The following SCO1 variants were observed in gnomAD, a reference collection of about 807,000 sequenced individuals.
SCO1 encodes synthesis of cytochrome C oxidase 1.
A neutral mutation model predicts 34.0 loss-of-function variants in SCO1; 23 were observed. That is an observed-to-expected ratio of 0.68 (90% CI 0.49 to 0.96). The LOEUF (loss-of-function observed/expected upper bound fraction) is 0.96. Among genes scored for constraint, SCO1 ranks in the 40% least tolerant of loss-of-function variants. SCO1 has a pLI of 0.00. For synonymous variants in SCO1, 161 were observed against 145.5 expected, an observed-to-expected ratio of 1.11 and a Z score of -0.77; for missense variants, 404 against 381.6, an observed-to-expected ratio of 1.06 and a Z score of -0.49.
At position 10,693,063 on chromosome 17, in the gene SCO1, G is replaced by A. The variant is rs9897641; in HGVS notation, c.365-102C>T. On this transcript the variant is annotated intron_variant, in intron 2 of 5. Transcript: ENST00000255390. ...CCCGTACTATGCTACTCATGGTGGG[G>A]GCACAAAATGTGGAAAAAACAGTTT... 107,685 of 929,464 alleles carry A rather than the reference G, an allele frequency of 0.12. 7,593 individuals carry two copies. Among genetic ancestry groups the A allele is most frequent in the Non-Finnish European group, 0.14 (83,319 of 599,270 alleles). The allele number at this position is 929,464 out of a possible 1,614,324, so 57.6% of individuals were successfully genotyped here. A position where few individuals can be genotyped will look rare whatever the true frequency, so the allele number is the denominator to read the frequency against.
At chr17:10,695,492 A>G in intron 2 of SCO1, 1 of 443,752 alleles carries the variant, frequency 2.3e-6, no homozygotes, top group South Asian at 2.2e-5. Flanking sequence ...TGAAATCCAA[A>G]TACAATCTGT....
chr17:10,684,576 T>C (rs2074643317), intron 5 of SCO1, among the ~76,000 whole-genome samples: 1 of 152,212 alleles, frequency 6.6e-6, no homozygotes, highest in South Asian at 2.1e-4. Flanking sequence ...GCTGTTTGGG[T>C]TTATTTGTAC....
chr17:10,684,785 T>G (rs2074644855), intron 5 of SCO1, among the ~76,000 whole-genome samples: 1 of 152,232 alleles, frequency 6.6e-6, no homozygotes. Context: ...CAACTCTCTA[T>G]AAAGACAGAA....
chr17:10,688,468 G>T (rs1412653990), intron 4 of SCO1, among the ~76,000 whole-genome samples: 1 of 152,152 alleles, frequency 6.6e-6, no homozygotes, highest in African/African-American at 2.4e-5. Context: ...CTACTAGAGT[G>T]GCTAAAATTA....
In SCO1 at chr17:10,686,769, C is replaced by T. The variant is rs746175649; in HGVS notation, c.729G>A (p.Val243=). 7 of 1,613,790 alleles carry T rather than the reference C, an allele frequency of 4.3e-6. No individual in the cohort carries two copies. The highest frequency in any genetic ancestry group is 2.2e-5 in the East Asian group (1 of 44,884). ...EVDQVARAYR[V]YYSPGPKDED... is the part of the protein sequence containing the mutation. ...CGTCCTTGGGGCCAGGGCTGTAATA[C>T]ACTCTGTATGCTCTGGCCACTTGAT... The change falls in exon 5 of 6, where the codon GTG becomes GTA. Residue 243 remains valine, a synonymous_variant. Transcript: ENST00000255390.
chr17:10,697,350 C>A lies in SCO1; in HGVS notation c.158G>T (p.Arg53Leu). 1 of 1,583,154 alleles carries A rather than the reference C, an allele frequency of 6.3e-7. No individual in the cohort carries two copies. Among genetic ancestry groups the A allele is most frequent in the Non-Finnish European group, 8.6e-7 (1 of 1,165,070 alleles). Residue 53 changes from arginine (R) to leucine (L), a missense_variant, in exon 1 of 6, where the codon CGT becomes CTT. Physicochemically the swap from Arg to Leu is moderately radical, Grantham distance 102. Coordinates refer to ENST00000255390, the MANE Select transcript of SCO1 (RefSeq NM_004589.4). Reference protein sequence around the residue: ...QFCARQAEAWRASGRPGYCLG... With the variant: ...QFCARQAEAWLASGRPGYCLG... ...GCAATAGCCAGGGCGCCCCGAGGCA[C>A]GCCACGCCTCCGCTTGCCGCGCGCA...
intron 4 of SCO1, among the ~76,000 whole-genome samples, 194 bp from the exon 5 acceptor site, chr17:10,687,036 T>C (rs1472968741): frequency 2.0e-5 from 3 of 152,232 alleles, no homozygotes; most frequent in Admixed American, 6.5e-5. Context: ...CTTTGTAATA[T>C]ATAAGTCAAA....
At chr17:10,692,064 T>A (rs2074693729) in intron 3 of SCO1, 100 bp from the exon 4 acceptor site, 1 of 841,864 alleles carries the variant, frequency 1.2e-6, no homozygotes, top group Admixed American at 1.8e-5. Context: ...GACAGCTAGG[T>A]GTTTTGAAAG....
rs2074659915 is a variant in SCO1, at chr17:10,686,855, TGA to T, written c.656-15_656-14del. On this transcript the variant is annotated splice_polypyrimidine_tract_variant and intron_variant, in intron 4 of 5. Coordinates refer to ENST00000255390, the MANE Select transcript of SCO1 (RefSeq NM_004589.4). Reference sequence around the variant, plus strand: ...TTGGGAGAAAATTCTAAATAAAAAATGAGAGAGACAGTGAAAAATGAGAAGCC... The same window carrying T: ...TTGGGAGAAAATTCTAAATAAAAAATGAGAGACAGTGAAAAATGAGAAGCC... The T allele has an allele frequency of 6.5e-7, 1 of 1,545,240 alleles. No individual in the cohort carries two copies. Among genetic ancestry groups the T allele is most frequent in the African/African-American group, 1.4e-5 (1 of 73,578 alleles).
Position 10,695,798 on chromosome 17 carries a change from C to T in SCO1, c.307G>A (p.Ala103Thr), listed in dbSNP as rs927138274. 1.2e-6 allele frequency: 2 copies of T among 1,613,698 alleles called. No individual in the cohort carries two copies. The highest frequency in any genetic ancestry group is 1.7e-6 in the Non-Finnish European group (2 of 1,179,884). The part of the protein sequence containing the change: ...VSWKSLAITF[A>T]IGGALLAGMK... ...CCAGCCAGTAAAGCTCCTCCAATAG[C>T]AAATGTGATTGCTAAAGACTTCCAG... Residue 103 changes from alanine to threonine, a missense_variant, in exon 2 of 6, where the codon GCT becomes ACT. Ala to Thr is a moderately conservative substitution (Grantham distance 58). Transcript: ENST00000255390.
At chr17:10,691,808 A>G (rs2074691239) in intron 4 of SCO1, 64 bp downstream of exon 4, 1 of 1,029,884 alleles carries the variant, frequency 9.7e-7, no homozygotes, top group South Asian at 1.3e-5. Context: ...TGTAAGGTTC[A>G]AATGAACTGA....
intron 3 of SCO1, 133 bp downstream of exon 3, chr17:10,692,631 C>T: frequency 1.3e-6 from 1 of 758,686 alleles, no homozygotes; most frequent in South Asian, 1.6e-5. Context: ...AACAAACAAG[C>T]CAAATGCTGA....
At chr17:10,687,044 A>C (rs1415946790) in intron 4 of SCO1, among the ~76,000 whole-genome samples, 1 of 152,210 alleles carries the variant, frequency 6.6e-6, no homozygotes, top group African/African-American at 2.4e-5. Context: ...TATATAAGTC[A>C]AATCTTTTTA....
At position 10,674,415 on chromosome 17, in the gene SCO1, A is replaced by C. The variant is rs2074567635; in HGVS notation, c.*6704T>G. 1 of 285,586 alleles carries C rather than the reference A, an allele frequency of 3.5e-6. No homozygotes were observed. The highest frequency in any genetic ancestry group is 1.4e-4 in the East Asian group (1 of 7,298). 17.7% of individuals were successfully genotyped at this position (285,586 alleles called of 1,614,324 possible). On this transcript the variant is annotated 3_prime_UTR_variant, in exon 6 of 6. Transcript: ENST00000255390. Reference sequence around the variant, plus strand: ...CTCTCCAGCCTAGGCAACAAGAGCGAAACTCCATCTCAAAACAAACAAACA... The same window carrying C: ...CTCTCCAGCCTAGGCAACAAGAGCGCAACTCCATCTCAAAACAAACAAACA...
chr17:10,686,723 T>G lies in SCO1; in HGVS notation c.771+4A>C. 7 of 1,562,372 alleles carry G rather than the reference T, an allele frequency of 4.5e-6. No homozygotes were observed. The highest frequency in any genetic ancestry group is 6.2e-6 in the Non-Finnish European group (7 of 1,132,742). ...CATGGGTTAAAACTGGAACATTTAC[T>G]CACTATGTAGTCTTCATCTTCGTCC... On this transcript the variant is annotated splice_donor_region_variant and intron_variant, in intron 5 of 5. Transcript: ENST00000255390.
intron 4 of SCO1, among the ~76,000 whole-genome samples, chr17:10,687,587 G>A (rs1447791816): frequency 6.6e-6 from 1 of 152,200 alleles, no homozygotes; most frequent in Non-Finnish European, 1.5e-5. Context: ...ATGAGACATT[G>A]TTCAGATTCT....
At chr17:10,688,345 A>G (rs933797176) in intron 4 of SCO1, among the ~76,000 whole-genome samples, 9 of 152,280 alleles carry the variant, frequency 5.9e-5, no homozygotes, top group South Asian at 2.1e-4. Flanking sequence ...AGATATGAAC[A>G]GACACTTCAC....
rs988981077 is a variant in SCO1, at chr17:10,673,505, G to C, written c.*7614C>G. On this transcript the variant is annotated 3_prime_UTR_variant, in exon 6 of 6. Coordinates refer to ENST00000255390, the MANE Select transcript of SCO1 (RefSeq NM_004589.4). ...GGGCACTGAACGCTTGCCTGTCTCC[G>C]TTAGGAATGGAATGTAATCCTTGCA... The C allele has an allele frequency of 1.3e-5, 2 of 152,196 alleles. No individual in the cohort carries two copies. Among genetic ancestry groups the C allele is most frequent in the Non-Finnish European group, 2.9e-5 (2 of 68,048 alleles). 9.4% of individuals were successfully genotyped at this position (152,196 alleles called of 1,614,324 possible).
Position 10,692,923 on chromosome 17 carries a change from A to C in SCO1, c.403T>G (p.Leu135Val). 1 of 1,614,156 alleles carries C rather than the reference A, an allele frequency of 6.2e-7. No homozygotes were observed. The highest frequency in any genetic ancestry group is 1.1e-5 in the South Asian group (1 of 91,084). ...GTGAGGGAAAACGGTCCCCCAAGTA[A>C]AGGCTTGCCGATGTGTCGCTGCCGT... is the stretch of plus-strand genomic sequence containing the variant. Reference protein sequence around the residue: ...KERQRHIGKPLLGGPFSLTTH... With the variant: ...KERQRHIGKPVLGGPFSLTTH... Residue 135 changes from leucine (L) to valine (V), a missense_variant, in exon 3 of 6, where the codon TTA becomes GTA. Coordinates refer to ENST00000255390, the MANE Select transcript of SCO1 (RefSeq NM_004589.4).
Sources: allele counts gnomAD v4.1 joint callset (sites outside exome capture counted in the v4.1 genomes callset), GRCh38; gene constraint gnomAD v4.1.1; transcripts MANE v1.5; gene names NCBI Gene and HGNC (gene_info 2026-07-23, HGNC 2026-07-21).